Variants in DLL3 observed in about 807,000 individuals in gnomAD.
DLL3 encodes delta-like protein 3.
In DLL3, 49 loss-of-function variants were observed where a neutral mutation model predicts 55.0. The ratio of observed to expected loss-of-function variants is 0.89; its 90% confidence interval spans 0.71 to 1.13. DLL3 has a LOEUF of 1.13. Among genes scored for constraint, DLL3 ranks in the 50% most tolerant of loss-of-function variants. The probability of loss-of-function intolerance (pLI) is 0.00; values close to 1 mark genes in which losing one functional copy is unlikely to be tolerated. For synonymous variants in DLL3, 421 were observed against 385.2 expected, an observed-to-expected ratio of 1.09 and a Z score of -1.09; for missense variants, 962 against 875.5, an observed-to-expected ratio of 1.10 and a Z score of -1.25.
rs1256745195 is a variant in DLL3, at chr19:39,507,103, T to C, written c.1158T>C (p.Pro386=). 4.5e-6 allele frequency: 7 copies of C among 1,543,224 alleles called. No homozygotes were observed. The change falls in exon 7 of 9, where the codon CCT becomes CCC. Residue 386 remains proline, a synonymous_variant. Coordinates refer to ENST00000356433, the MANE Select transcript of DLL3 (RefSeq NM_203486.3). ...RCRCRAGFAG[P]RCEHDLDDCA... ...GCTGCCGCGCCGGCTTCGCGGGTCC[T>C]CGCTGCGAGCACGACCTGGACGACT... is the stretch of plus-strand genomic sequence containing the variant.
chr19:39,501,294 C>T (rs2079608455), intron 3 of DLL3, among the ~76,000 whole-genome samples: 2 of 152,132 alleles, frequency 1.3e-5, no homozygotes, highest in South Asian at 2.1e-4. Flanking sequence ...AGCCACCACG[C>T]TCGGCCCCTA....
Position 39,507,931 on chromosome 19 carries a change from TC to T in DLL3, c.1758+23del, listed in dbSNP as rs765785746. The stretch of plus-strand genomic sequence containing the variant: ...GCTCGGGAGGTAGCGACGCCCCTTT[TC>T]CCCCCGCTACACACTGGGCGCGCTG... On this transcript the variant is annotated intron_variant, in intron 8 of 8. Coordinates refer to ENST00000356433, the MANE Select transcript of DLL3 (RefSeq NM_203486.3). 3 of 1,613,872 alleles carry T rather than the reference TC, an allele frequency of 1.9e-6. No homozygotes were observed. The South Asian group carries it at 3.3e-5, about 18-fold the overall frequency.
At chr19:39,503,690 A>G (rs2079623742) in intron 4 of DLL3, among the ~76,000 whole-genome samples, 1 of 151,428 alleles carries the variant, frequency 6.6e-6, no homozygotes, top group African/African-American at 2.4e-5. Context: ...AATTCAATAC[A>G]CTCCCATCTT....
Position 39,507,488 on chromosome 19 carries a change from G to C in DLL3, c.1543G>C (p.Val515Leu), listed in dbSNP as rs1399863344. 1 of 1,593,678 alleles carries C rather than the reference G, an allele frequency of 6.3e-7. No homozygotes were observed. Among genetic ancestry groups the C allele is most frequent in the Non-Finnish European group, 8.5e-7 (1 of 1,171,390 alleles). Residue 515 changes from valine to leucine, a missense_variant, in exon 7 of 9, where the codon GTG (valine) becomes CTG (leucine). Physicochemically the swap from Val to Leu is conservative, Grantham distance 32. Coordinates refer to ENST00000356433, the MANE Select transcript of DLL3 (RefSeq NM_203486.3). ...VAGAALLLVH[V>L]RRRGHSQDAG... ...CGGCGCTGCGCTCTTGCTGGTCCAC[G>C]TGCGCCGCCGTGGCCACTCCCAGGA...
chr19:39,505,264 TG>T lies in DLL3; in HGVS notation c.909del (p.Phe304SerfsTer8). ...GGTCCTTTGAATGCACCTGCCCGCG[TG>T]GGTTCTACGGGCTGCGGTGTGAGGT... ...PRSFECTCPR[G>X]FYGLRCEVSG... On this transcript the variant is annotated frameshift_variant, in exon 6 of 9. Coordinates refer to ENST00000356433, the MANE Select transcript of DLL3 (RefSeq NM_203486.3). LOFTEE classifies it high-confidence loss of function. 1 of 1,614,116 alleles carries T rather than the reference TG, an allele frequency of 6.2e-7. No individual in the cohort carries two copies. Among genetic ancestry groups the T allele is most frequent in the Non-Finnish European group, 8.5e-7 (1 of 1,180,018 alleles).
chr19:39,499,589 C>G, intron 2 of DLL3, 116 bp downstream of exon 2: 1 of 1,364,720 alleles, frequency 7.3e-7, no homozygotes, highest in Non-Finnish European at 1.0e-6. Flanking sequence ...AGGGGGTGGA[C>G]GAAATTCCCA....
chr19:39,501,954 G>A (rs2079611583), intron 3 of DLL3, among the ~76,000 whole-genome samples: 1 of 152,146 alleles, frequency 6.6e-6, no homozygotes, highest in South Asian at 2.1e-4. Context: ...GGGAGGCCGA[G>A]GCGGGCGGAT....
In DLL3 at chr19:39,507,120, T is replaced by C. The variant is rs2079645831; in HGVS notation, c.1175T>C (p.Leu392Pro). The C allele has an allele frequency of 5.2e-6, 8 of 1,533,680 alleles. No homozygotes were observed. The highest frequency in any genetic ancestry group is 1.9e-5 in the Admixed American group (1 of 51,780). ...GFAGPRCEHD[L>P]DDCAGRACAN... ...GCGGGTCCTCGCTGCGAGCACGACC[T>C]GGACGACTGCGCGGGCCGCGCCTGC... The change falls in exon 7 of 9, where the codon CTG (leucine) becomes CCG (proline). Residue 392 changes from leucine to proline, a missense_variant. Leu to Pro is a moderately conservative substitution (Grantham distance 98). Coordinates refer to ENST00000356433, the MANE Select transcript of DLL3 (RefSeq NM_203486.3).
At chr19:39,507,727 T>G in intron 7 of DLL3, 103 bp from the exon 8 acceptor site, 1 of 1,601,728 alleles carries the variant, frequency 6.2e-7, no homozygotes, top group Non-Finnish European at 8.5e-7. Context: ...CGGTCTCTCT[T>G]ACCCCGGTAG....
chr19:39,507,654 G>A (rs746087446), intron 7 of DLL3, 36 bp downstream of exon 7: 2 of 1,592,154 alleles, frequency 1.3e-6, no homozygotes, highest in Non-Finnish European at 1.7e-6. Context: ...GCCTTGCGCT[G>A]CTGGCTGCTT....
chr19:39,499,406 G>C lies in DLL3; in HGVS notation c.284G>C (p.Gly95Ala). 1 of 1,584,300 alleles carries C rather than the reference G, an allele frequency of 6.3e-7. No homozygotes were observed. The highest frequency in any genetic ancestry group is 8.5e-7 in the Non-Finnish European group (1 of 1,172,928). Residue 95 changes from glycine to alanine, a missense_variant, in exon 2 of 9, where the codon GGA (glycine) becomes GCA (alanine). Gly to Ala is a moderately conservative substitution (Grantham distance 60). Coordinates refer to ENST00000356433, the MANE Select transcript of DLL3 (RefSeq NM_203486.3). ...GGACCGGTCTACACCGAGCAGCCCG[G>C]AGCGCCCGCGCCTGATCTCCCACTG... ...ARGPVYTEQP[G>A]APAPDLPLPD...
Position 39,505,589 on chromosome 19 carries a change from A to G in DLL3, c.1093+138A>G, listed in dbSNP as rs757212237. The G allele has an allele frequency of 2.0e-5, 17 of 840,576 alleles. 1 individual carries two copies. The South Asian group carries it at 2.8e-4, about 14-fold the overall frequency. The allele number at this position is 840,576 out of a possible 1,614,324, so 52.1% of individuals were successfully genotyped here. On this transcript the variant is annotated intron_variant, in intron 6 of 8. Coordinates refer to ENST00000356433, the MANE Select transcript of DLL3 (RefSeq NM_203486.3). ...TGACCTTCCACCTGCAAGCCTGTAA[A>G]ATGGGCAAGGAGACATTCCCTATCT...
At chr19:39,505,586 T>A in intron 6 of DLL3, 135 bp downstream of exon 6, 1 of 860,240 alleles carries the variant, frequency 1.2e-6, no homozygotes, top group Non-Finnish European at 1.8e-6. Flanking sequence ...TGCAAGCCTG[T>A]AAAATGGGCA....
rs1212556529 is a variant in DLL3 at position 39,505,242 on chromosome 19, C to T, written c.884C>T (p.Ser295Phe). ...GTCCCTGCCCAGGAGACACCCAGGT[C>T]CTTTGAATGCACCTGCCCGCGTGGG... ...NGGSCSETPR[S>F]FECTCPRGFY... is the part of the protein sequence containing the mutation. The change falls in exon 6 of 9, where the codon TCC becomes TTC. Residue 295 changes from serine to phenylalanine, a missense_variant. Transcript: ENST00000356433. The T allele has an allele frequency of 1.9e-6, 3 of 1,614,064 alleles. No individual in the cohort carries two copies. Among genetic ancestry groups the T allele is most frequent in the Admixed American group, 3.3e-5 (2 of 60,014 alleles).
intron 4 of DLL3, among the ~76,000 whole-genome samples, chr19:39,503,470 T>C (rs1407468656): frequency 6.6e-6 from 1 of 152,190 alleles, no homozygotes; most frequent in Non-Finnish European, 1.5e-5. Flanking sequence ...CTTCTAATTC[T>C]GCGGCCCTCC....
chr19:39,499,556 C>T, intron 2 of DLL3, 83 bp downstream of exon 2: 3 of 1,519,270 alleles, frequency 2.0e-6, no homozygotes, highest in African/African-American at 1.4e-5. Flanking sequence ...CCTCCAGCTT[C>T]CAAGACCCTA....
In DLL3 at chr19:39,500,687, T is replaced by C; in HGVS notation, c.409+15T>C. The C allele has an allele frequency of 6.2e-7, 1 of 1,612,324 alleles. No homozygotes were observed. The highest frequency in any genetic ancestry group is 1.1e-5 in the South Asian group (1 of 91,040). On this transcript the variant is annotated intron_variant, in intron 3 of 8. Transcript: ENST00000356433. ...CCAGATTGGAGGTGAGTGTCTTCAG[T>C]CTTGGGACTGGTGGGGAGCTGGGGC...
Position 39,504,702 on chromosome 19 carries a change from G to A in DLL3, c.870+414G>A, listed in dbSNP as rs913298690. On this transcript the variant is annotated intron_variant, in intron 5 of 8. Coordinates refer to ENST00000356433, the MANE Select transcript of DLL3 (RefSeq NM_203486.3). ...GGCCCGGGGCTGGGGCTTCTGGGAC[G>A]TGATTAGAGAGGGTGGCCAGGTGAG... Among the ~76,000 whole-genome samples the A allele has an allele frequency of 5.3e-5, 8 of 152,206 alleles. No homozygotes were observed. In the Middle Eastern group the frequency reaches 0.01, roughly 194 times the overall value.
intron 8 of DLL3, 161 bp downstream of exon 8, chr19:39,508,075 T>A: frequency 6.2e-7 from 1 of 1,602,804 alleles, no homozygotes; most frequent in Non-Finnish European, 8.5e-7. Flanking sequence ...TTTCATCCTA[T>A]TTTGCATCCC....
Sources: gnomAD v4.1 joint callset for allele counts (sites outside exome capture counted in the v4.1 genomes callset) on GRCh38, gnomAD v4.1.1 for gene constraint, MANE v1.5 for transcripts, NCBI Gene and HGNC (gene_info 2026-07-23, HGNC 2026-07-21) for gene names.